Variants in OSTM1 observed in about 807,000 individuals in gnomAD.
OSTM1 encodes the protein osteopetrosis-associated transmembrane protein 1.
In OSTM1, 26 loss-of-function variants were observed where a neutral mutation model predicts 35.4. The observed-to-expected ratio is 0.73, with a 90% CI of 0.54 to 1.02. OSTM1 has a LOEUF of 1.02. OSTM1 is among the 50% of genes least tolerant of loss of function. OSTM1 has a pLI of 0.00. For missense variants in OSTM1, 366 were observed against 409.6 expected (o/e 0.89, Z 0.92); for synonymous variants, 181 against 165.0 (o/e 1.10, Z -0.75).
chr6:108,059,928 C>G (rs1772242676), intron 2 of OSTM1, among the ~76,000 whole-genome samples: 1 of 152,166 alleles, frequency 6.6e-6, no homozygotes, highest in South Asian at 2.1e-4. Context: ...TACAAATACT[C>G]ATCACAGATT....
intron 5 of OSTM1, among the ~76,000 whole-genome samples, chr6:108,046,087 C>T (rs1217588906): frequency 1.2e-4 from 18 of 150,632 alleles, no homozygotes; most frequent in African/African-American, 3.9e-4. Context: ...CTGCAAGCTC[C>T]GCCTCCTGGG....
In OSTM1 at chr6:108,049,477, A is replaced by G. The variant is rs928067052; in HGVS notation, c.784-59T>C. The G allele has an allele frequency of 3.1e-6, 5 of 1,594,248 alleles. No individual in the cohort carries two copies. The African/African-American group carries it at 5.4e-5, about 17-fold the overall frequency. On this transcript the variant is annotated intron_variant, in intron 4 of 5. Coordinates refer to ENST00000193322, the MANE Select transcript of OSTM1 (RefSeq NM_014028.4). ...ATATTTAACTTGTCTTCAATTTCTT[A>G]TAATTATTTTGCTAATAACTAAACA...
At position 108,074,331 on chromosome 6, in the gene OSTM1, C is replaced by A. The variant is rs778298708; in HGVS notation, c.321G>T (p.Arg107=). The A allele has an allele frequency of 1.2e-6, 2 of 1,610,538 alleles. No individual in the cohort carries two copies. Among genetic ancestry groups the A allele is most frequent in the South Asian group, 1.1e-5 (1 of 90,604 alleles). Residue 107 remains arginine, a synonymous_variant, in exon 1 of 6, where the codon CGG becomes CGT. Coordinates refer to ENST00000193322, the MANE Select transcript of OSTM1 (RefSeq NM_014028.4). ...AGCAGGTCTGACAGAGGCGCACGGG[C>A]CGGGCGCTGCGCACCAGACACCCTG... ...ELTGCLVRSA[R]PVRLCQTCYP...
At chr6:108,050,642 G>A (rs1236865539) in intron 4 of OSTM1, among the ~76,000 whole-genome samples, 1 of 152,128 alleles carries the variant, frequency 6.6e-6, no homozygotes, top group Non-Finnish European at 1.5e-5. Flanking sequence ...GATTACAGGT[G>A]TAGTCACCGT....
At chr6:108,065,146 A>G (rs2114607245) in intron 1 of OSTM1, among the ~76,000 whole-genome samples, 1 of 152,136 alleles carries the variant, frequency 6.6e-6, no homozygotes, top group African/African-American at 2.4e-5. Flanking sequence ...GGCATGAGCC[A>G]CTGCACCTGG....
intron 4 of OSTM1, among the ~76,000 whole-genome samples, chr6:108,050,476 G>C (rs1165456418): frequency 6.8e-6 from 1 of 146,532 alleles, no homozygotes; most frequent in Non-Finnish European, 1.5e-5. Context: ...CGATTCTCCT[G>C]CCTCAGCCTC....
chr6:108,074,310 G>A lies in OSTM1; in HGVS notation c.342C>T (p.Thr114=). The A allele has an allele frequency of 6.2e-7, 1 of 1,612,336 alleles. No individual in the cohort carries two copies. The highest frequency in any genetic ancestry group is 8.5e-7 in the Non-Finnish European group (1 of 1,179,924). Residue 114 remains threonine, a synonymous_variant, in exon 1 of 6, where the codon ACC becomes ACT. Coordinates refer to ENST00000193322, the MANE Select transcript of OSTM1 (RefSeq NM_014028.4). ...CGACCTGTTGGAAGAGGGGGTAGCA[G>A]GTCTGACAGAGGCGCACGGGCCGGG... ...RSARPVRLCQ[T]CYPLFQQVVS... is the part of the protein sequence containing the mutation.
intron 2 of OSTM1, among the ~76,000 whole-genome samples, chr6:108,058,733 G>A (rs767741131): frequency 1.1e-4 from 17 of 151,892 alleles, no homozygotes; most frequent in Non-Finnish European, 2.2e-4. Flanking sequence ...AACTGAGATC[G>A]CACCACTGCA....
rs1013430754 is a variant in OSTM1, at chr6:108,063,791, T to C, written c.517+394A>G. Reference sequence around the variant, plus strand: ...AATACGTGTCAGGCATTGAGCTAAGTGCTTTACACAATTTATTTCATTTCA... The same window carrying C: ...AATACGTGTCAGGCATTGAGCTAAGCGCTTTACACAATTTATTTCATTTCA... On this transcript the variant is annotated intron_variant, in intron 2 of 5. Coordinates refer to ENST00000193322, the MANE Select transcript of OSTM1 (RefSeq NM_014028.4). Among the ~76,000 whole-genome samples the C allele has an allele frequency of 7.2e-5, 11 of 152,346 alleles. 1 individual carries two copies. The highest frequency in any genetic ancestry group is 5.8e-4 in the East Asian group (3 of 5,190).
intron 1 of OSTM1, 137 bp from the exon 2 acceptor site, chr6:108,064,436 T>C: frequency 1.5e-6 from 1 of 656,346 alleles, no homozygotes; most frequent in Non-Finnish European, 2.7e-6. Flanking sequence ...GATGTTAACA[T>C]TAATAAAAAC....
intron 2 of OSTM1, among the ~76,000 whole-genome samples, chr6:108,056,439 T>C (rs1288746300): frequency 6.6e-6 from 1 of 152,142 alleles, no homozygotes; most frequent in Non-Finnish European, 1.5e-5. Flanking sequence ...AATCTACAAA[T>C]ACATGCCACT....
At chr6:108,050,148 GACTGTCCTAAAT>G (rs941187501) in intron 4 of OSTM1, among the ~76,000 whole-genome samples, 2 of 152,234 alleles carry the variant, frequency 1.3e-5, no homozygotes, top group South Asian at 2.1e-4. Context: ...TTATATGCTA[GACTGTCCTAAAT>G]ACTGTCCTAA....
Position 108,044,481 on chromosome 6 carries a change from T to C in OSTM1, c.*304A>G, listed in dbSNP as rs1220428243. On this transcript the variant is annotated 3_prime_UTR_variant, in exon 6 of 6. Coordinates refer to ENST00000193322, the MANE Select transcript of OSTM1 (RefSeq NM_014028.4). ...TATGTTAGTAAGAAGATACCAGAAG[T>C]CTAGAATAGTAATCAAATGCCTATA... 1 of 207,356 alleles carries C rather than the reference T, an allele frequency of 4.8e-6. No homozygotes were observed. Among genetic ancestry groups the C allele is most frequent in the African/African-American group, 2.3e-5 (1 of 43,384 alleles). The allele number at this position is 207,356 out of a possible 1,614,324, so 12.8% of individuals were successfully genotyped here. A position where few individuals can be genotyped will look rare whatever the true frequency, so the allele number is the denominator to read the frequency against.
At chr6:108,068,972 A>G (rs931250047) in intron 1 of OSTM1, among the ~76,000 whole-genome samples, 13 of 151,960 alleles carry the variant, frequency 8.6e-5, no homozygotes, top group Admixed American at 2.6e-4. Context: ...ACTCCTTCCC[A>G]TCTCAGTCTT....
chr6:108,048,765 TTTTTTTG>T (rs1582386943), intron 5 of OSTM1, among the ~76,000 whole-genome samples: 2 of 148,820 alleles, frequency 1.3e-5, no homozygotes, highest in East Asian at 3.9e-4. Context: ...TTTTTTTTTT[TTTTTTTG>T]AGACAGTCTC....
In OSTM1 at chr6:108,043,370, C is replaced by T. The variant is rs1771905047; in HGVS notation, c.*1415G>A. 6.6e-6 allele frequency: 1 copy of T among 152,070 alleles called. No homozygotes were observed. Among genetic ancestry groups the T allele is most frequent in the Admixed American group, 6.5e-5 (1 of 15,270 alleles). The allele number at this position is 152,070 out of a possible 1,614,324, so 9.4% of individuals were successfully genotyped here. A position where few individuals can be genotyped will look rare whatever the true frequency, so the allele number is the denominator to read the frequency against. Reference sequence around the variant, plus strand: ...TTTGAGTATGTTATACATCCAAGAGCCTTATATTTCACTCCACATAAACAG... The same window carrying T: ...TTTGAGTATGTTATACATCCAAGAGTCTTATATTTCACTCCACATAAACAG... On this transcript the variant is annotated 3_prime_UTR_variant, in exon 6 of 6. Coordinates refer to ENST00000193322, the MANE Select transcript of OSTM1 (RefSeq NM_014028.4).
At chr6:108,049,503 G>A in intron 4 of OSTM1, 85 bp from the exon 5 acceptor site, 1 of 1,582,060 alleles carries the variant, frequency 6.3e-7, no homozygotes, top group Non-Finnish European at 8.6e-7. Context: ...TAACTAAACA[G>A]GAATCTAGAA....
intron 1 of OSTM1, among the ~76,000 whole-genome samples, chr6:108,070,380 T>A (rs1264590718): frequency 6.6e-6 from 1 of 152,200 alleles, no homozygotes; most frequent in East Asian, 1.9e-4. Context: ...ACTCTTTTGT[T>A]CTAAATTGCT....
rs1405627823 is a variant in OSTM1 at position 108,074,738 on chromosome 6, G to C, written c.-87C>G. 2 of 1,374,796 alleles carry C rather than the reference G, an allele frequency of 1.5e-6. No individual in the cohort carries two copies. The highest frequency in any genetic ancestry group is 1.9e-6 in the Non-Finnish European group (2 of 1,059,028). 85.2% of individuals were successfully genotyped at this position (1,374,796 alleles called of 1,614,324 possible). A position where few individuals can be genotyped will look rare whatever the true frequency, so the allele number is the denominator to read the frequency against. ...GACAGCCGCCGCTTCCGGTTTCCGC[G>C]AGCGCAGGCCGAGAGCCGGGTCACG... is the stretch of plus-strand genomic sequence containing the variant. On this transcript the variant is annotated 5_prime_UTR_variant, in exon 1 of 6. Transcript: ENST00000193322.
Sources: gnomAD v4.1 joint callset for allele counts (sites outside exome capture counted in the v4.1 genomes callset) on GRCh38, gnomAD v4.1.1 for gene constraint, MANE v1.5 for transcripts, NCBI Gene and HGNC (gene_info 2026-07-23, HGNC 2026-07-21) for gene names.